Variants in DCC observed in about 807,000 individuals in gnomAD.
The protein encoded by DCC is netrin receptor DCC.
In DCC, 58 loss-of-function variants were observed where a neutral mutation model predicts 172.5. The observed-to-expected ratio is 0.34, with a 90% CI of 0.27 to 0.42. DCC has a LOEUF of 0.42. Among genes scored for constraint, DCC ranks in the 10% least tolerant of loss-of-function variants. DCC has a pLI of 1.00. For synonymous variants in DCC, 709 were observed against 644.5 expected (o/e 1.10, Z -1.52); for missense variants, 1,740 against 1,791.0 (o/e 0.97, Z 0.51).
At chr18:53,002,971 C>G (rs1182596835) in intron 5 of DCC, among the ~76,000 whole-genome samples, 4 of 152,086 alleles carry the variant, frequency 2.6e-5, no homozygotes, top group East Asian at 3.9e-4. Context: ...GGCTGCCTGT[C>G]AAGACTGCTT....
intron 5 of DCC, among the ~76,000 whole-genome samples, chr18:52,964,138 A>G (rs1419538389): frequency 6.6e-6 from 1 of 152,162 alleles, no homozygotes; most frequent in Non-Finnish European, 1.5e-5. Context: ...AGTTTCATCA[A>G]TAGTAAATTT....
At chr18:53,346,762 TTTGGG>T (rs2057730781) in intron 15 of DCC, among the ~76,000 whole-genome samples, 1 of 152,182 alleles carries the variant, frequency 6.6e-6, no homozygotes. Context: ...ATCTGCACCA[TTTGGG>T]TTGGGCATCT....
chr18:52,418,858 C>CTTTTTTTTTTTTTTTTTTTTTTTTTTTT (rs11313758), intron 1 of DCC, among the ~76,000 whole-genome samples: 1 of 93,018 alleles, frequency 1.1e-5, no homozygotes, highest in Non-Finnish European at 2.0e-5. Flanking sequence ...TTCTTTCTTT[C>CTTTTTTTTTTTTTTTTTTTTTTTTTTTT]TTTTTTTTTT....
chr18:52,979,656 G>A (rs1295522157), intron 5 of DCC, among the ~76,000 whole-genome samples: 2 of 152,194 alleles, frequency 1.3e-5, no homozygotes, highest in African/African-American at 2.4e-5. Flanking sequence ...CATAGCTTGT[G>A]TTCAGAGTTA....
intron 1 of DCC, among the ~76,000 whole-genome samples, chr18:52,701,409 C>G (rs558170911): frequency 6.6e-6 from 1 of 152,156 alleles, no homozygotes; most frequent in African/African-American, 2.4e-5. Flanking sequence ...CACAGAAATA[C>G]AGACAAGCTG....
intron 1 of DCC, among the ~76,000 whole-genome samples, chr18:52,605,499 G>A (rs534490108): frequency 6.6e-6 from 1 of 152,166 alleles, no homozygotes; most frequent in Non-Finnish European, 1.5e-5. Flanking sequence ...AGCATACAAA[G>A]ATGTGGTACT....
Position 52,874,984 on chromosome 18 carries a change from T to A in DCC, c.413-31060T>A, listed in dbSNP as rs76078394. On this transcript the variant is annotated intron_variant, in intron 2 of 28. Coordinates refer to ENST00000442544, the MANE Select transcript of DCC (RefSeq NM_005215.4). The stretch of plus-strand genomic sequence containing the variant: ...TTTGGGCTGTGGGGCGGTTCCTGAT[T>A]TTTTGGCATCTGACTTTGGGATGAC... Among the ~76,000 whole-genome samples, 21 of 152,228 alleles carry A rather than the reference T, an allele frequency of 1.4e-4. No individual in the cohort carries two copies. The East Asian group carries it at 3.9e-3, about 28-fold the overall frequency.
At chr18:52,795,998 T>G (rs1240035331) in intron 2 of DCC, among the ~76,000 whole-genome samples, 1 of 151,940 alleles carries the variant, frequency 6.6e-6, no homozygotes, top group Admixed American at 6.6e-5. Context: ...TATGATTTAT[T>G]TTTCAATATA....
chr18:52,951,601 A>G (rs1320396493), intron 5 of DCC, among the ~76,000 whole-genome samples: 1 of 152,202 alleles, frequency 6.6e-6, no homozygotes, highest in Admixed American at 6.5e-5. Context: ...TGTCCCTGCA[A>G]AGGGCATGAA....
Position 53,019,754 on chromosome 18 carries a change from A to T in DCC, c.986-43551A>T, listed in dbSNP as rs141634239. ...CATTTTTTAAAATAAAGTTTTATTG[A>T]ATTACAGCTAGGGTCATTTGTTTAC... On this transcript the variant is annotated intron_variant, in intron 5 of 28. Coordinates refer to ENST00000442544, the MANE Select transcript of DCC (RefSeq NM_005215.4). Among the ~76,000 whole-genome samples, 992 of 152,280 alleles carry T rather than the reference A, an allele frequency of 6.5e-3. 12 individuals carry two copies. The highest frequency in any genetic ancestry group is 0.027 in the South Asian group (131 of 4,824).
At chr18:53,394,165 G>A (rs930646249) in intron 17 of DCC, among the ~76,000 whole-genome samples, 1 of 152,068 alleles carries the variant, frequency 6.6e-6, no homozygotes, top group Non-Finnish European at 1.5e-5. Context: ...CATGACCTGG[G>A]CTCATGGGTT....
intron 5 of DCC, among the ~76,000 whole-genome samples, chr18:52,985,228 G>T (rs1027978178): frequency 3.3e-5 from 5 of 151,702 alleles, no homozygotes; most frequent in Non-Finnish European, 5.9e-5. Flanking sequence ...TTCCTTTTTG[G>T]TTTTTGTCTT....
At chr18:52,428,913 C>T (rs1987529927) in intron 1 of DCC, among the ~76,000 whole-genome samples, 1 of 152,024 alleles carries the variant, frequency 6.6e-6, no homozygotes, top group African/African-American at 2.4e-5. Flanking sequence ...AAGTAATAGA[C>T]TGCCTTTAAA....
intron 15 of DCC, among the ~76,000 whole-genome samples, chr18:53,355,056 G>C (rs943476772): frequency 2.0e-5 from 3 of 151,886 alleles, no homozygotes; most frequent in African/African-American, 4.8e-5. Flanking sequence ...TCTTGTTTTT[G>C]TCAGGTTTGT....
intron 9 of DCC, among the ~76,000 whole-genome samples, chr18:53,199,279 T>TG (rs1263703027): frequency 2.0e-5 from 3 of 151,904 alleles, no homozygotes; most frequent in Non-Finnish European, 4.4e-5. Flanking sequence ...TTAGTAGAGA[T>TG]GGAGTATCAT....
chr18:53,188,693 C>G (rs2055322950), intron 9 of DCC, among the ~76,000 whole-genome samples: 1 of 152,154 alleles, frequency 6.6e-6, no homozygotes, highest in Non-Finnish European at 1.5e-5. Context: ...AATGTATTTT[C>G]TGACCTTTCT....
intron 12 of DCC, among the ~76,000 whole-genome samples, chr18:53,264,506 G>A (rs1056336931): frequency 1.4e-5 from 2 of 148,100 alleles, no homozygotes; most frequent in Admixed American, 1.4e-4. Context: ...AGAAGAAGAA[G>A]AAGAAAGAAA....
intron 1 of DCC, among the ~76,000 whole-genome samples, chr18:52,669,836 A>C (rs2035519763): frequency 6.6e-6 from 1 of 151,980 alleles, no homozygotes; most frequent in African/African-American, 2.4e-5. Flanking sequence ...GGTAAGGAGA[A>C]GCGTTTGAAA....
intron 5 of DCC, among the ~76,000 whole-genome samples, chr18:52,951,240 C>T (rs1371294319): frequency 1.3e-5 from 2 of 152,114 alleles, no homozygotes; most frequent in Admixed American, 6.5e-5. Flanking sequence ...GTTACACTAA[C>T]CTGCCTCCAT....
Sources: allele counts gnomAD v4.1 joint callset (sites outside exome capture counted in the v4.1 genomes callset), GRCh38; gene constraint gnomAD v4.1.1; transcripts MANE v1.5; gene names NCBI Gene and HGNC (gene_info 2026-07-23, HGNC 2026-07-21).